The following CAMKMT variants were observed in gnomAD, a reference collection of about 807,000 sequenced individuals.
CAMKMT encodes the protein calmodulin-lysine N-methyltransferase, also known as CaM KMT.
A neutral mutation model predicts 48.0 loss-of-function variants in CAMKMT; 53 were observed. The ratio of observed to expected loss-of-function variants is 1.10; its 90% CI spans 0.89 to 1.39. The LOEUF is 1.39. Among genes scored for constraint, CAMKMT ranks in the 40% most tolerant of loss-of-function variants. CAMKMT has a pLI of 0.00. For missense variants in CAMKMT, 428 were observed against 402.7 expected (o/e 1.06, Z -0.54); for synonymous variants, 165 against 152.3 (o/e 1.08, Z -0.61).
At chr2:44,670,137 C>G (rs1275674724) in intron 3 of CAMKMT, among the ~76,000 whole-genome samples, 2 of 152,138 alleles carry the variant, frequency 1.3e-5, no homozygotes, top group Admixed American at 1.3e-4. Context: ...TTATGTGTTA[C>G]AATTATCTTC....
chr2:44,409,924 C>T (rs1032996171), intron 3 of CAMKMT, among the ~76,000 whole-genome samples: 2 of 151,990 alleles, frequency 1.3e-5, no homozygotes, highest in Non-Finnish European at 2.9e-5. Flanking sequence ...ATATCTGGTC[C>T]TTGTTCTCAA....
At chr2:44,536,918 G>T (rs567599131) in intron 3 of CAMKMT, among the ~76,000 whole-genome samples, 1 of 152,040 alleles carries the variant, frequency 6.6e-6, no homozygotes, top group South Asian at 2.1e-4. Context: ...TAGTAGGACA[G>T]TCTCCTCAAT....
chr2:44,474,427 A>G (rs1668579359), intron 3 of CAMKMT, among the ~76,000 whole-genome samples: 1 of 150,978 alleles, frequency 6.6e-6, no homozygotes, highest in African/African-American at 2.4e-5. Context: ...AGCCTGGGTG[A>G]CAGAGCGAGA....
At chr2:44,545,074 C>T (rs1417810154) in intron 3 of CAMKMT, among the ~76,000 whole-genome samples, 17 of 152,152 alleles carry the variant, frequency 1.1e-4, no homozygotes, top group Admixed American at 1.1e-3. Flanking sequence ...AGATGACAAC[C>T]AACTTACATT....
chr2:44,391,095 A>T lies in CAMKMT; in HGVS notation c.376+790A>T, dbSNP rs116043323. ...TACTCATACTCTTTTTCTCAAAGAA[A>T]ATTTCAGAACTGTTAACTTTTGGCT... On this transcript the variant is annotated intron_variant, in intron 3 of 10. Transcript: ENST00000378494. Among the ~76,000 whole-genome samples the T allele has an allele frequency of 7.2e-3, 1,091 of 152,290 alleles. 11 individuals are homozygous for T. The highest frequency in any genetic ancestry group is 0.025 in the African/African-American group (1,041 of 41,572).
chr2:44,465,994 A>G (rs1410297644), intron 3 of CAMKMT, among the ~76,000 whole-genome samples: 1 of 152,232 alleles, frequency 6.6e-6, no homozygotes, highest in East Asian at 1.9e-4. Flanking sequence ...ACAAGTCTAA[A>G]TATATATGCA....
At position 44,683,965 on chromosome 2, in the gene CAMKMT, A is replaced by G. The variant is rs370479732; in HGVS notation, c.377-20318A>G. On this transcript the variant is annotated intron_variant, in intron 3 of 10. Transcript: ENST00000378494. Reference sequence around the variant, plus strand: ...CATGTCACTAATGGTATGAATGTAGACTTCCACCATAGTATTTGCTCAGCC... The same window carrying G: ...CATGTCACTAATGGTATGAATGTAGGCTTCCACCATAGTATTTGCTCAGCC... Among the ~76,000 whole-genome samples, 3 of 152,292 alleles carry G rather than the reference A, an allele frequency of 2.0e-5. No homozygotes were observed. In the East Asian group the frequency reaches 5.8e-4, roughly 29 times the overall value.
At chr2:44,718,859 G>T (rs926696547) in intron 7 of CAMKMT, among the ~76,000 whole-genome samples, 4 of 152,100 alleles carry the variant, frequency 2.6e-5, no homozygotes, top group African/African-American at 9.7e-5. Context: ...GTAAACTATG[G>T]AACTTGTGTT....
At chr2:44,767,988 G>C (rs35980571) in intron 10 of CAMKMT, among the ~76,000 whole-genome samples, 5,496 of 152,264 alleles carry the variant, frequency 0.036, 184 homozygotes, top group East Asian at 0.15. Context: ...TCAGCATTGT[G>C]CCTGATACCC....
At chr2:44,630,184 G>A (rs1672734568) in intron 3 of CAMKMT, among the ~76,000 whole-genome samples, 2 of 151,560 alleles carry the variant, frequency 1.3e-5, no homozygotes, top group African/African-American at 2.4e-5. Context: ...GGGAAAACTG[G>A]CTAGCCATAT....
intron 3 of CAMKMT, among the ~76,000 whole-genome samples, chr2:44,594,332 A>C (rs1479084661): frequency 6.6e-6 from 1 of 152,212 alleles, no homozygotes; most frequent in Non-Finnish European, 1.5e-5. Flanking sequence ...ATATGGAACC[A>C]AAAAAGAGCC....
intron 5 of CAMKMT, 70 bp from the exon 6 acceptor site, chr2:44,707,329 C>A: frequency 7.3e-7 from 1 of 1,362,258 alleles, no homozygotes; most frequent in Non-Finnish European, 1.0e-6. Flanking sequence ...AGGCTTGTCA[C>A]TCCTGTCTTC....
Position 44,365,128 on chromosome 2 carries a change from T to C in CAMKMT, c.138+2983T>C, listed in dbSNP as rs920325311. On this transcript the variant is annotated intron_variant, in intron 1 of 10. Coordinates refer to ENST00000378494, the MANE Select transcript of CAMKMT (RefSeq NM_024766.5). ...CTATATGCATCTAGTACTGGAAAACTATAAGGAATCTAAGCAGTGCTAGAG... is the reference window on the plus strand; with the variant it reads ...CTATATGCATCTAGTACTGGAAAACCATAAGGAATCTAAGCAGTGCTAGAG... Among the ~76,000 whole-genome samples, 9 of 152,322 alleles carry C rather than the reference T, an allele frequency of 5.9e-5. No individual in the cohort carries two copies. The South Asian group carries it at 1.7e-3, about 28-fold the overall frequency.
intron 3 of CAMKMT, among the ~76,000 whole-genome samples, chr2:44,601,734 T>A (rs2103859309): frequency 6.6e-6 from 1 of 152,092 alleles, no homozygotes; most frequent in South Asian, 2.1e-4. Flanking sequence ...TTTGTTTTTT[T>A]AAGTTATTTT....
At chr2:44,723,603 CATACATAAATAAATAA>C (rs1469845619) in intron 7 of CAMKMT, 153 of 82,898 alleles carry the variant, frequency 1.8e-3, no homozygotes, top group East Asian at 9.2e-3. Flanking sequence ...TAAATAAATA[CATACATAAATAAATAA>C]ATAAATAAAT....
intron 3 of CAMKMT, among the ~76,000 whole-genome samples, chr2:44,417,410 A>G (rs1444952592): frequency 6.6e-6 from 1 of 152,156 alleles, no homozygotes; most frequent in Non-Finnish European, 1.5e-5. Context: ...ATAAAAAATA[A>G]AAATGAAAAA....
At chr2:44,738,960 C>T (rs1322897471) in intron 7 of CAMKMT, among the ~76,000 whole-genome samples, 1 of 152,030 alleles carries the variant, frequency 6.6e-6, no homozygotes, top group Non-Finnish European at 1.5e-5. Flanking sequence ...GTATTAAGAC[C>T]CTAGAACAGA....
At chr2:44,554,732 C>G (rs1027545493) in intron 3 of CAMKMT, among the ~76,000 whole-genome samples, 1 of 151,780 alleles carries the variant, frequency 6.6e-6, no homozygotes, top group Non-Finnish European at 1.5e-5. Flanking sequence ...AAAAATTACC[C>G]AGGTGTGGTG....
At chr2:44,594,402 C>A (rs1478570373) in intron 3 of CAMKMT, among the ~76,000 whole-genome samples, 1 of 152,190 alleles carries the variant, frequency 6.6e-6, no homozygotes, top group African/African-American at 2.4e-5. Flanking sequence ...CGCTACCTGA[C>A]TTCAAACTAC....
Sources: gnomAD v4.1 joint callset for allele counts (sites outside exome capture counted in the v4.1 genomes callset) on GRCh38, gnomAD v4.1.1 for gene constraint, MANE v1.5 for transcripts, NCBI Gene and HGNC (gene_info 2026-07-23, HGNC 2026-07-21) for gene names.